The following WEE1 variants were observed in gnomAD, a reference collection of about 807,000 sequenced individuals.
The protein encoded by WEE1 is WEE1 G2 checkpoint kinase, also known as wee1-like protein kinase.
Under a neutral mutation model 68.8 loss-of-function variants are expected in WEE1, and 16 were observed. The observed-to-expected ratio is 0.23, with a 90% CI of 0.16 to 0.35. WEE1 has a LOEUF of 0.35. Among genes scored for constraint, WEE1 ranks in the 10% least tolerant of loss-of-function variants. The pLI is 1.00. For missense variants in WEE1, 651 were observed against 824.1 expected (o/e 0.79, Z 2.57); for synonymous variants, 349 against 318.7 (o/e 1.09, Z -1.01).
chr11:9,581,408 G>T (rs1330138125), intron 5 of WEE1, 124 bp from the exon 6 acceptor site: 18 of 868,352 alleles, frequency 2.1e-5, no homozygotes, highest in Non-Finnish European at 3.1e-5. Context: ...AGGTTGAAGG[G>T]AGAAGGTCCT....
In WEE1 at chr11:9,588,657, A is replaced by T. The variant is rs1311350444; in HGVS notation, c.*55A>T. The T allele has an allele frequency of 2.1e-6, 3 of 1,427,344 alleles. No individual in the cohort carries two copies. The highest frequency in any genetic ancestry group is 2.8e-6 in the Non-Finnish European group (3 of 1,089,010). The allele number at this position is 1,427,344 out of a possible 1,614,324, so 88.4% of individuals were successfully genotyped here. ...CTGTGACAAGAGGAAGCTAGGTTGAAATCACTGATAGAATCCAGTTTGCAA... is the reference window on the plus strand; with the variant it reads ...CTGTGACAAGAGGAAGCTAGGTTGATATCACTGATAGAATCCAGTTTGCAA... On this transcript the variant is annotated 3_prime_UTR_variant, in exon 11 of 11. Coordinates refer to ENST00000450114, the MANE Select transcript of WEE1 (RefSeq NM_003390.4).
Position 9,573,962 on chromosome 11 carries a change from C to A in WEE1, c.29C>A (p.Pro10Gln). The stretch of plus-strand genomic sequence containing the variant: ...AGCTTCCTGAGCCGACAGCAGCCGC[C>A]GCCACCCCGCCGCGCCGGGGCGGCC... MSFLSRQQP[P>Q]PPRRAGAACT... Residue 10 changes from proline (P) to glutamine (Q), a missense_variant, in exon 1 of 11, where the codon CCG becomes CAG. By Grantham distance (76) the Pro-to-Gln change is moderately conservative. This residue lies in a region of WEE1 where 395 missense variants were observed against 378.4 expected (regional missense o/e 1.04). Coordinates refer to ENST00000450114, the MANE Select transcript of WEE1 (RefSeq NM_003390.4). 11 of 1,293,536 alleles carry A rather than the reference C, an allele frequency of 8.5e-6. No individual in the cohort carries two copies. The highest frequency in any genetic ancestry group is 1.1e-5 in the Non-Finnish European group (11 of 1,020,680). The allele number at this position is 1,293,536 out of a possible 1,614,324, so 80.1% of individuals were successfully genotyped here.
intron 8 of WEE1, among the ~76,000 whole-genome samples, chr11:9,585,737 C>T (rs1423131733): frequency 6.6e-6 from 1 of 152,198 alleles, no homozygotes; most frequent in African/African-American, 2.4e-5. Context: ...TCATACACCA[C>T]TGGTGGAACT....
intron 10 of WEE1, among the ~76,000 whole-genome samples, chr11:9,587,530 G>A (rs747338505): frequency 1.3e-5 from 2 of 152,162 alleles, no homozygotes; most frequent in Non-Finnish European, 2.9e-5. Flanking sequence ...ATGAAAGGAT[G>A]AAATTAATGT....
At chr11:9,585,412 T>C in intron 7 of WEE1, 30 bp from the exon 8 acceptor site, 1 of 1,608,376 alleles carries the variant, frequency 6.2e-7, no homozygotes, top group African/African-American at 1.3e-5. Flanking sequence ...TTGTTTTTGC[T>C]CTTCACTGTA....
Position 9,574,408 on chromosome 11 carries a change from GC to G in WEE1, c.476del (p.Ala159GlyfsTer75). 8.2e-7 allele frequency: 1 copy of G among 1,214,016 alleles called. No individual in the cohort carries two copies. The allele number at this position is 1,214,016 out of a possible 1,614,324, so 75.2% of individuals were successfully genotyped here. A position where few individuals can be genotyped will look rare whatever the true frequency, so the allele number is the denominator to read the frequency against. ...GCCGCGGGGTTGCGGGGCGCGCCGG[GC>G]GGGCGAAGGCCGCCGCTCGCCGCGG... Reference protein sequence around the residue: ...ASPRGCGARRAGEGRRSPRPD... With the variant: ...ASPRGCGARRXGEGRRSPRPD... On this transcript the variant is annotated frameshift_variant, in exon 1 of 11. Transcript: ENST00000450114. LOFTEE classifies it high-confidence loss of function. This position sits in a 1 kb window ranked among gnomAD's most constrained non-coding sequence, Gnocchi z 4.9.
rs1232184160 is a variant in WEE1 at position 9,577,097 on chromosome 11, G to A, written c.1020-45G>A. ...AGATAAATTAATTCAGTTTAAGCTT[G>A]AGTGAAAATTATTTACCATTCTATT... is the stretch of plus-strand genomic sequence containing the variant. On this transcript the variant is annotated intron_variant, in intron 4 of 10. Coordinates refer to ENST00000450114, the MANE Select transcript of WEE1 (RefSeq NM_003390.4). 3 of 1,574,366 alleles carry A rather than the reference G, an allele frequency of 1.9e-6. No individual in the cohort carries two copies. The South Asian group carries it at 3.5e-5, about 19-fold the overall frequency.
Position 9,577,990 on chromosome 11 carries a change from CATT to C in WEE1, c.1141+733_1141+735del, listed in dbSNP as rs1253267198. On this transcript the variant is annotated intron_variant, in intron 5 of 10. Transcript: ENST00000450114. ...AATTCTGGTTCTTATGGACGTCTGT[CATT>C]ATTATATACCAAATCTTTTATGGAT... The C allele has an allele frequency of 8.2e-5, 36 of 437,760 alleles. No homozygotes were observed. In the Admixed American group the frequency reaches 8.5e-4, roughly 10 times the overall value. The allele number at this position is 437,760 out of a possible 1,614,324, so 27.1% of individuals were successfully genotyped here.
chr11:9,574,850 G>C lies in WEE1; in HGVS notation c.576+341G>C, dbSNP rs1217888943. ...GCGGTTCGCGAGGATGCTGGAGGGT[G>C]CCGGCCCGGCCACCTGACACTCCCG... On this transcript the variant is annotated intron_variant, in intron 1 of 10. Transcript: ENST00000450114. This position sits in a 1 kb window ranked among gnomAD's most constrained non-coding sequence, Gnocchi z 4.9. The C allele has an allele frequency of 5.3e-5, 52 of 990,454 alleles. No individual in the cohort carries two copies. The highest frequency in any genetic ancestry group is 6.1e-5 in the Non-Finnish European group (51 of 833,254). 61.4% of individuals were successfully genotyped at this position (990,454 alleles called of 1,614,324 possible).
chr11:9,575,851 G>C, intron 1 of WEE1, 37 bp from the exon 2 acceptor site: 1 of 1,593,924 alleles, frequency 6.3e-7, no homozygotes, highest in Non-Finnish European at 8.6e-7. Context: ...ATAGGACTTG[G>C]ATCCTAAAAA....
At position 9,585,288 on chromosome 11, in the gene WEE1, C is replaced by T. The variant is rs1340925534; in HGVS notation, c.1319C>T (p.Pro440Leu). ...SNIFISRTSI[P>L]NAASEEGDED... The stretch of plus-strand genomic sequence containing the variant: ...ATTTTCATATCTCGAACCTCAATCC[C>T]AAATGCTGCCTCTGAAGAAGGAGAC... The change falls in exon 7 of 11, where the codon CCA becomes CTA. Residue 440 changes from proline to leucine, a missense_variant. This residue lies in a region of WEE1 where 82 missense variants were observed against 123.2 expected (regional missense o/e 0.67). Transcript: ENST00000450114. 1.9e-6 allele frequency: 3 copies of T among 1,613,920 alleles called. No homozygotes were observed. Among genetic ancestry groups the T allele is most frequent in the Non-Finnish European group, 2.5e-6 (3 of 1,179,990 alleles).
chr11:9,573,706 A>G lies in WEE1; in HGVS notation c.-228A>G, dbSNP rs923730411. 2 of 186,350 alleles carry G rather than the reference A, an allele frequency of 1.1e-5. No homozygotes were observed. The highest frequency in any genetic ancestry group is 2.2e-5 in the Non-Finnish European group (2 of 92,030). 11.5% of individuals were successfully genotyped at this position (186,350 alleles called of 1,614,324 possible). On this transcript the variant is annotated 5_prime_UTR_variant, in exon 1 of 11. Transcript: ENST00000450114. ...CTGAGACTGGACCTGAGGAGACCTC[A>G]GCCTCGGTGCTCGGGCCGCCCCGCC... is the stretch of plus-strand genomic sequence containing the variant.
chr11:9,576,243 G>C lies in WEE1; in HGVS notation c.796G>C (p.Asp266His). ...CATTTTTTTTAGTTCCTGTGGTGAA[G>C]ACATGGAAGCCAGTGATTATGAGCT... is the stretch of plus-strand genomic sequence containing the variant. ...RTYWNDSCGE[D>H]MEASDYELED... The change falls in exon 3 of 11, where the codon GAC becomes CAC. Residue 266 changes from aspartate to histidine, a missense_variant. Coordinates refer to ENST00000450114, the MANE Select transcript of WEE1 (RefSeq NM_003390.4). The surrounding 1 kb of genome is among the most constrained non-coding windows in gnomAD (Gnocchi z 4.3). The C allele has an allele frequency of 6.6e-7, 1 of 1,520,130 alleles. No individual in the cohort carries two copies. Among genetic ancestry groups the C allele is most frequent in the Non-Finnish European group, 8.9e-7 (1 of 1,117,614 alleles). The allele number at this position is 1,520,130 out of a possible 1,614,324, so 94.2% of individuals were successfully genotyped here. A position where few individuals can be genotyped will look rare whatever the true frequency, so the allele number is the denominator to read the frequency against.
At chr11:9,585,838 C>A (rs953755638) in intron 8 of WEE1, among the ~76,000 whole-genome samples, 1 of 152,136 alleles carries the variant, frequency 6.6e-6, no homozygotes, top group African/African-American at 2.4e-5. Flanking sequence ...ATTTTCACTT[C>A]TAGGAGTTTT....
In WEE1 at chr11:9,574,120, C is replaced by G; in HGVS notation, c.187C>G (p.Pro63Ala). Residue 63 changes from proline to alanine, a missense_variant, in exon 1 of 11, where the codon CCG becomes GCG. Pro to Ala is a conservative substitution (Grantham distance 27). Transcript: ENST00000450114. This position sits in a 1 kb window ranked among gnomAD's most constrained non-coding sequence, Gnocchi z 4.9. ...CTTTCAAGAGCCCGACTCGCCGCTG[C>G]CGCCCGCGCGGAGCCCCACGGAGCC... is the stretch of plus-strand genomic sequence containing the variant. ...SAFQEPDSPL[P>A]PARSPTEPGP... 4 of 1,214,292 alleles carry G rather than the reference C, an allele frequency of 3.3e-6. No individual in the cohort carries two copies. The East Asian group carries it at 1.3e-4, about 41-fold the overall frequency. 75.2% of individuals were successfully genotyped at this position (1,214,292 alleles called of 1,614,324 possible).
At chr11:9,583,333 C>T (rs971857118) in intron 6 of WEE1, among the ~76,000 whole-genome samples, 10 of 150,304 alleles carry the variant, frequency 6.7e-5, no homozygotes, top group Admixed American at 1.3e-4. Flanking sequence ...AAAAAAAATT[C>T]GCCGGGCGTG....
intron 10 of WEE1, among the ~76,000 whole-genome samples, chr11:9,587,603 C>T (rs1321536083): frequency 6.6e-6 from 1 of 152,124 alleles, no homozygotes; most frequent in Non-Finnish European, 1.5e-5. Context: ...TCTTTATATA[C>T]TGAATGAAGA....
Position 9,574,729 on chromosome 11 carries a change from A to C in WEE1, c.576+220A>C. ...GCCTCGTCTGGAACTTCATCTTACA[A>C]AGGGGCCGATCGGCCCGTCCGGGTG... On this transcript the variant is annotated intron_variant, in intron 1 of 10. Coordinates refer to ENST00000450114, the MANE Select transcript of WEE1 (RefSeq NM_003390.4). The surrounding 1 kb of genome is among the most constrained non-coding windows in gnomAD (Gnocchi z 4.9). The C allele has an allele frequency of 8.4e-5, 86 of 1,020,330 alleles. No individual in the cohort carries two copies. Among genetic ancestry groups the C allele is most frequent in the East Asian group, 5.4e-4 (6 of 11,074 alleles). 63.2% of individuals were successfully genotyped at this position (1,020,330 alleles called of 1,614,324 possible).
At chr11:9,583,794 CACACACACATATATATATAT>C (rs1463028971) in intron 6 of WEE1, among the ~76,000 whole-genome samples, 46 of 27,564 alleles carry the variant, frequency 1.7e-3, no homozygotes, top group African/African-American at 4.3e-3. Context: ...CACACACACA[CACACACACATATATATATAT>C]ATATATATAT....
Sources: allele counts gnomAD v4.1 joint callset (sites outside exome capture counted in the v4.1 genomes callset), GRCh38; gene constraint gnomAD v4.1.1; regional missense constraint gnomAD v4.1.1; non-coding constraint Gnocchi (gnomAD v3.1); transcripts MANE v1.5; gene names NCBI Gene and HGNC (gene_info 2026-07-23, HGNC 2026-07-21).